The following DYNC1I2 variants were observed in gnomAD, a reference collection of about 807,000 sequenced individuals.
DYNC1I2 encodes dynein cytoplasmic 1 intermediate chain 2.
Under a neutral mutation model 88.6 loss-of-function variants are expected in DYNC1I2, and 53 were observed. The observed-to-expected ratio is 0.60, with a 90% CI of 0.48 to 0.75. DYNC1I2 has a LOEUF of 0.75. Ranked by LOEUF, DYNC1I2 falls within the 30% of genes least tolerant of loss-of-function variation. DYNC1I2 has a pLI of 0.00. For synonymous variants in DYNC1I2, 198 were observed against 254.6 expected, an observed-to-expected ratio of 0.78 and a Z score of 2.12; for missense variants, 458 against 766.6, an observed-to-expected ratio of 0.60 and a Z score of 4.75.
intron 6 of DYNC1I2, among the ~76,000 whole-genome samples, chr2:171,714,480 A>G (rs188129285): frequency 6.6e-6 from 1 of 152,256 alleles, no homozygotes; most frequent in East Asian, 1.9e-4. Context: ...ATCACTGAGA[A>G]CTTTTTTGGG....
chr2:171,716,763 G>A (rs1004077223), intron 7 of DYNC1I2, among the ~76,000 whole-genome samples: 2 of 151,926 alleles, frequency 1.3e-5, no homozygotes, highest in Admixed American at 6.5e-5. Flanking sequence ...AAAATTAGCC[G>A]AGCGTGGTGG....
intron 2 of DYNC1I2, among the ~76,000 whole-genome samples, chr2:171,691,853 C>CA (rs1436261881): frequency 5.3e-5 from 8 of 152,054 alleles, no homozygotes; most frequent in Admixed American, 1.3e-4. Context: ...TGGGAAAAAA[C>CA]AAAGTTTATA....
intron 15 of DYNC1I2, among the ~76,000 whole-genome samples, chr2:171,738,256 C>G (rs765673915): frequency 6.6e-6 from 1 of 151,730 alleles, no homozygotes; most frequent in South Asian, 2.1e-4. Context: ...TGCCAGAACC[C>G]GAGAGGTGGA....
At chr2:171,706,607 A>T in intron 4 of DYNC1I2, 43 bp downstream of exon 4, 1 of 1,581,716 alleles carries the variant, frequency 6.3e-7, no homozygotes, top group Non-Finnish European at 8.7e-7. Flanking sequence ...ATTTGCATGC[A>T]TCACTTTATG....
chr2:171,730,070 C>A (rs149204702), intron 15 of DYNC1I2, among the ~76,000 whole-genome samples: 1 of 152,164 alleles, frequency 6.6e-6, no homozygotes, highest in Non-Finnish European at 1.5e-5. Context: ...GAATCAAGGA[C>A]CAGTCTTCCC....
chr2:171,728,932 T>C lies in DYNC1I2; in HGVS notation c.1391+82T>C, dbSNP rs947105065. The C allele has an allele frequency of 5.6e-6, 8 of 1,420,858 alleles. No homozygotes were observed. In the Admixed American group the frequency reaches 1.8e-4, roughly 32 times the overall value. 88.0% of individuals were successfully genotyped at this position (1,420,858 alleles called of 1,614,324 possible). A position where few individuals can be genotyped will look rare whatever the true frequency, so the allele number is the denominator to read the frequency against. ...ACAAATTGTCTTATTTAAGTAGAAATCTGTCGTAGATCTACTTGTTATTTG... is the reference window on the plus strand; with the variant it reads ...ACAAATTGTCTTATTTAAGTAGAAACCTGTCGTAGATCTACTTGTTATTTG... On this transcript the variant is annotated intron_variant, in intron 14 of 17. Coordinates refer to ENST00000397119, the MANE Select transcript of DYNC1I2 (RefSeq NM_001378.3).
chr2:171,695,847 A>G (rs1367723054), intron 3 of DYNC1I2, among the ~76,000 whole-genome samples: 2 of 152,178 alleles, frequency 1.3e-5, no homozygotes, highest in East Asian at 1.9e-4. Flanking sequence ...CTGCTTTACC[A>G]TATTCACATG....
At chr2:171,745,973 A>C in intron 17 of DYNC1I2, 46 bp downstream of exon 17, 1 of 1,608,164 alleles carries the variant, frequency 6.2e-7, no homozygotes, top group Non-Finnish European at 8.5e-7. Context: ...ATTTAGTTGC[A>C]TTGTAGTAAA....
intron 3 of DYNC1I2, among the ~76,000 whole-genome samples, chr2:171,703,588 A>G (rs1445992699): frequency 6.6e-6 from 1 of 152,144 alleles, no homozygotes; most frequent in Admixed American, 6.5e-5. Flanking sequence ...AATCACATTG[A>G]CAAGGAGAAT....
At chr2:171,693,139 C>G (rs987463627) in intron 3 of DYNC1I2, 16 of 417,336 alleles carry the variant, frequency 3.8e-5, no homozygotes, top group South Asian at 1.0e-4. Context: ...CTTATTAAAT[C>G]AGTAATTTAT....
Position 171,690,129 on chromosome 2 carries a change from T to C in DYNC1I2, c.-9-18T>C, listed in dbSNP as rs1383864580. On this transcript the variant is annotated intron_variant, in intron 1 of 17. Transcript: ENST00000397119. ...AACTGTGCTGCTTTTACTAACATAA[T>C]GATTATATGTTTCTAAGGTCACAAA... 2 of 1,437,612 alleles carry C rather than the reference T, an allele frequency of 1.4e-6. No homozygotes were observed. The highest frequency in any genetic ancestry group is 2.5e-5 in the East Asian group (1 of 40,308). 89.1% of individuals were successfully genotyped at this position (1,437,612 alleles called of 1,614,324 possible).
chr2:171,734,381 T>G (rs1216355310), intron 15 of DYNC1I2, among the ~76,000 whole-genome samples: 1 of 152,214 alleles, frequency 6.6e-6, no homozygotes, highest in African/African-American at 2.4e-5. Flanking sequence ...GAGGGGCGGT[T>G]GATATTTTTA....
chr2:171,746,686 G>A lies in DYNC1I2; in HGVS notation c.1803+759G>A, dbSNP rs530875308. 2.0e-5 allele frequency among the ~76,000 whole-genome samples: 3 copies of A among 152,232 alleles called. No homozygotes were observed. In the South Asian group the frequency reaches 6.2e-4, roughly 32 times the overall value. On this transcript the variant is annotated intron_variant, in intron 17 of 17. Transcript: ENST00000397119. ...ATATGGTAGCTTCTAGCCACATATGGCTATTGAACACTCTAAGTGTTGCTA... is the reference window on the plus strand; with the variant it reads ...ATATGGTAGCTTCTAGCCACATATGACTATTGAACACTCTAAGTGTTGCTA...
chr2:171,745,509 A>G (rs1689717609), intron 16 of DYNC1I2, among the ~76,000 whole-genome samples: 1 of 152,252 alleles, frequency 6.6e-6, no homozygotes. Context: ...TCTTAAAGAC[A>G]TTAAAACAAC....
intron 17 of DYNC1I2, 27 bp downstream of exon 17, chr2:171,745,954 G>C (rs1256075864): frequency 6.2e-7 from 1 of 1,611,998 alleles, no homozygotes; most frequent in South Asian, 1.1e-5. Context: ...CTGTAATTTT[G>C]ACACATCGAT....
intron 15 of DYNC1I2, among the ~76,000 whole-genome samples, chr2:171,734,448 TG>T (rs1688864861): frequency 6.6e-6 from 1 of 152,200 alleles, no homozygotes; most frequent in Non-Finnish European, 1.5e-5. Context: ...GAATGACAAG[TG>T]GGCATATCTC....
At chr2:171,693,459 A>G (rs566050256) in intron 3 of DYNC1I2, among the ~76,000 whole-genome samples, 1 of 152,352 alleles carries the variant, frequency 6.6e-6, no homozygotes, top group Admixed American at 6.5e-5. Context: ...AAAAAAGCTG[A>G]AATAGTAGAG....
chr2:171,720,956 G>T (rs1056001761), intron 7 of DYNC1I2, among the ~76,000 whole-genome samples: 2 of 151,426 alleles, frequency 1.3e-5, no homozygotes, highest in African/African-American at 4.9e-5. Context: ...CTATGTAAGG[G>T]TGCTAATACT....
intron 3 of DYNC1I2, among the ~76,000 whole-genome samples, chr2:171,698,340 T>G (rs1411499017): frequency 1.3e-5 from 2 of 152,146 alleles, no homozygotes; most frequent in Non-Finnish European, 2.9e-5. Flanking sequence ...TAATTACTCA[T>G]AGTCACCTCT....
Sources: gnomAD v4.1 joint callset for allele counts (sites outside exome capture counted in the v4.1 genomes callset) on GRCh38, gnomAD v4.1.1 for gene constraint, MANE v1.5 for transcripts, NCBI Gene and HGNC (gene_info 2026-07-23, HGNC 2026-07-21) for gene names.